The following ANK2 variants were observed in gnomAD, a reference collection of about 807,000 sequenced individuals.
ANK2 encodes ankyrin 2.
A neutral mutation model predicts 360.5 loss-of-function variants in ANK2; 83 were observed. The observed-to-expected ratio is 0.23, with a 90% CI of 0.19 to 0.28. The LOEUF (loss-of-function observed/expected upper bound fraction) is 0.28, where lower values mean the gene tolerates loss of function less well. Ranked by LOEUF, ANK2 falls within the 10% of genes least tolerant of loss-of-function variation. ANK2 has a pLI of 1.00. For synonymous variants in ANK2, 1,740 were observed against 1,759.5 expected, an observed-to-expected ratio of 0.99 and a Z score of 0.28; for missense variants, 4,201 against 4,795.7, an observed-to-expected ratio of 0.88 and a Z score of 3.66.
intron 1 of ANK2, among the ~76,000 whole-genome samples, chr4:112,820,213 TTAG>T (rs2056611522): frequency 6.6e-6 from 1 of 152,254 alleles, no homozygotes; most frequent in Non-Finnish European, 1.5e-5. Context: ...TATCATCACA[TTAG>T]GCTAGCTATG....
At chr4:112,982,493 A>G (rs2043406861) in intron 2 of ANK2, among the ~76,000 whole-genome samples, 1 of 152,258 alleles carries the variant, frequency 6.6e-6, no homozygotes, top group South Asian at 2.1e-4. Flanking sequence ...ACACATAGTT[A>G]TTGCTGTGTT....
intron 4 of ANK2, among the ~76,000 whole-genome samples, chr4:113,212,180 T>TC (rs2099030715): frequency 6.6e-6 from 1 of 152,232 alleles, no homozygotes; most frequent in South Asian, 2.1e-4. Flanking sequence ...AAACTTTGAT[T>TC]AATTACATAA....
chr4:113,269,131 C>G (rs919249653), intron 14 of ANK2, among the ~76,000 whole-genome samples: 1 of 152,182 alleles, frequency 6.6e-6, no homozygotes, highest in Non-Finnish European at 1.5e-5. Flanking sequence ...CCCCCTACCA[C>G]GCTGGAGCCT....
At chr4:113,060,134 T>G (rs2154333161) in intron 1 of ANK2, among the ~76,000 whole-genome samples, 1 of 152,206 alleles carries the variant, frequency 6.6e-6, no homozygotes, top group Middle Eastern at 3.4e-3. Context: ...AGAATGACAG[T>G]CAAATAGGGG....
At chr4:112,880,438 A>G (rs1184900292) in intron 1 of ANK2, 2 of 152,222 alleles carry the variant, frequency 1.3e-5, no homozygotes, top group Non-Finnish European at 2.9e-5. Context: ...GTACCTGCGA[A>G]CACTTCTATC....
At chr4:113,148,722 C>T (rs2096926121) in intron 1 of ANK2, among the ~76,000 whole-genome samples, 1 of 152,128 alleles carries the variant, frequency 6.6e-6, no homozygotes, top group South Asian at 2.1e-4. Flanking sequence ...TAGCGGGAGA[C>T]AGACTTTCAG....
upstream of ANK2, among the ~76,000 whole-genome samples, chr4:112,814,093 G>T (rs2055478933): frequency 6.6e-6 from 1 of 152,312 alleles, no homozygotes; most frequent in South Asian, 2.1e-4. Context: ...GAGAAATTCT[G>T]CTCAGAAGGC....
At chr4:113,230,573 T>C (rs1382705071) in intron 4 of ANK2, among the ~76,000 whole-genome samples, 1 of 152,180 alleles carries the variant, frequency 6.6e-6, no homozygotes, top group Non-Finnish European at 1.5e-5. Context: ...AACGCTGATC[T>C]GTGTTTTTAC....
intron 2 of ANK2, among the ~76,000 whole-genome samples, chr4:113,009,188 C>T (rs569223627): frequency 5.9e-5 from 9 of 152,114 alleles, no homozygotes; most frequent in Non-Finnish European, 1.0e-4. Context: ...CTGTTGAAAT[C>T]AGAGCAAGAA....
chr4:113,062,584 A>T (rs1309073725), intron 1 of ANK2, among the ~76,000 whole-genome samples: 1 of 152,126 alleles, frequency 6.6e-6, no homozygotes, highest in Non-Finnish European at 1.5e-5. Context: ...AGAGGTTATT[A>T]TATACTTTAT....
At chr4:113,180,906 T>G (rs1469041586) in intron 2 of ANK2, among the ~76,000 whole-genome samples, 1 of 152,218 alleles carries the variant, frequency 6.6e-6, no homozygotes, top group East Asian at 1.9e-4. Flanking sequence ...TCTGGTTATG[T>G]GGTTTTGGAT....
At chr4:113,348,468 T>C (rs1472047081) in intron 36 of ANK2, among the ~76,000 whole-genome samples, 160 bp downstream of exon 36, 2 of 152,148 alleles carry the variant, frequency 1.3e-5, no homozygotes, top group Non-Finnish European at 2.9e-5. Flanking sequence ...TGTTTTCTCA[T>C]CTTGTGGAGC....
At chr4:112,779,323 C>T in the ANK2 span, among the ~76,000 whole-genome samples, 1 of 152,040 alleles carries the variant, frequency 6.6e-6, no homozygotes, top group African/African-American at 2.4e-5. Context: ...TCGAGACCAT[C>T]GTGGCTAACA....
chr4:113,330,508 T>G, intron 27 of ANK2, 38 bp downstream of exon 27: 1 of 1,596,402 alleles, frequency 6.3e-7, no homozygotes, highest in Non-Finnish European at 8.6e-7. Flanking sequence ...TAGTCATCGA[T>G]GAGCTTGTGT....
In ANK2 at chr4:113,381,578, C is replaced by G. The variant is rs571725477; in HGVS notation, c.*107C>G. On this transcript the variant is annotated 3_prime_UTR_variant, in exon 46 of 46. Transcript: ENST00000357077. Reference sequence around the variant, plus strand: ...AGCACTAGACCAGGACGACCTCCAGCGCGATCTCCAGCAGCTCCTTCGGCA... The same window carrying G: ...AGCACTAGACCAGGACGACCTCCAGGGCGATCTCCAGCAGCTCCTTCGGCA... 3.1e-6 allele frequency: 5 copies of G among 1,602,950 alleles called. No individual in the cohort carries two copies. The Admixed American group carries it at 6.8e-5, about 22-fold the overall frequency.
chr4:113,156,371 C>CTTT (rs150536846), intron 1 of ANK2, among the ~76,000 whole-genome samples: 22 of 128,534 alleles, frequency 1.7e-4, no homozygotes, highest in Non-Finnish European at 3.1e-4. Context: ...TAGAAAAATT[C>CTTT]TTTTTTTTTT....
intron 2 of ANK2, among the ~76,000 whole-genome samples, chr4:113,038,096 CT>C (rs996894006): frequency 5.3e-5 from 8 of 151,586 alleles, no homozygotes; most frequent in Non-Finnish European, 7.4e-5. Flanking sequence ...TTTTAATTAT[CT>C]TTTTTTTGTA....
At chr4:113,221,566 G>A (rs891847928) in intron 4 of ANK2, among the ~76,000 whole-genome samples, 2 of 151,990 alleles carry the variant, frequency 1.3e-5, no homozygotes, top group Non-Finnish European at 2.9e-5. Flanking sequence ...GGCTGAGGCA[G>A]GAGAATCGCT....
At chr4:112,723,435 C>T in the ANK2 span, among the ~76,000 whole-genome samples, 4 of 152,142 alleles carry the variant, frequency 2.6e-5, no homozygotes, top group Admixed American at 6.5e-5. Flanking sequence ...GCGATCTCGG[C>T]GCACTGCAAC....
Sources: gnomAD v4.1 joint callset for allele counts (sites outside exome capture counted in the v4.1 genomes callset) on GRCh38, gnomAD v4.1.1 for gene constraint, MANE v1.5 for transcripts, NCBI Gene and HGNC (gene_info 2026-07-23, HGNC 2026-07-21) for gene names.